Variants in ADGRB3 observed in about 807,000 individuals in gnomAD.
The protein encoded by ADGRB3 is adhesion G protein-coupled receptor B3.
Under a neutral mutation model 193.4 loss-of-function variants are expected in ADGRB3, and 37 were observed. The observed-to-expected ratio is 0.19, with a 90% CI of 0.15 to 0.25. The LOEUF (loss-of-function observed/expected upper bound fraction) is 0.25. ADGRB3 is among the 10% of genes least tolerant of loss of function. ADGRB3 has a pLI of 1.00. For missense variants in ADGRB3, 1,637 were observed against 1,852.9 expected (o/e 0.88, Z 2.14); for synonymous variants, 690 against 644.2 (o/e 1.07, Z -1.08).
chr6:69,316,186 T>C (rs866546793), intron 20 of ADGRB3, among the ~76,000 whole-genome samples: 5 of 151,322 alleles, frequency 3.3e-5, no homozygotes, highest in Admixed American at 6.6e-5. Context: ...TATAGTATTA[T>C]GTATATTTTT....
chr6:69,019,996 G>A (rs1427418127), intron 13 of ADGRB3, among the ~76,000 whole-genome samples: 3 of 151,980 alleles, frequency 2.0e-5, no homozygotes, highest in Non-Finnish European at 2.9e-5. Context: ...TTTAAGGCAC[G>A]TGGAAGGAAT....
At chr6:68,688,643 C>T (rs1355590818) in intron 3 of ADGRB3, among the ~76,000 whole-genome samples, 2 of 152,118 alleles carry the variant, frequency 1.3e-5, no homozygotes, top group African/African-American at 4.8e-5. Flanking sequence ...ACTGAAATAT[C>T]TCATTTGTGT....
intron 20 of ADGRB3, among the ~76,000 whole-genome samples, chr6:69,277,403 C>G (rs1767326533): frequency 6.6e-6 from 1 of 152,168 alleles, no homozygotes; most frequent in Non-Finnish European, 1.5e-5. Flanking sequence ...GCATGACCTG[C>G]TGCTCTGCAT....
chr6:68,953,443 C>T (rs1297816642), intron 6 of ADGRB3, among the ~76,000 whole-genome samples: 1 of 152,100 alleles, frequency 6.6e-6, no homozygotes, highest in Non-Finnish European at 1.5e-5. Flanking sequence ...TTTATAAACC[C>T]TTCTCAGAAT....
intron 20 of ADGRB3, among the ~76,000 whole-genome samples, chr6:69,304,087 A>G (rs1768010023): frequency 1.3e-5 from 2 of 151,590 alleles, no homozygotes; most frequent in Admixed American, 6.6e-5. Context: ...CCAAAATACA[A>G]GGGTTTTTTT....
At chr6:68,970,998 G>A (rs1167633329) in intron 8 of ADGRB3, among the ~76,000 whole-genome samples, 1 of 152,192 alleles carries the variant, frequency 6.6e-6, no homozygotes, top group African/African-American at 2.4e-5. Flanking sequence ...GGGAATTGAA[G>A]TGTGAGCAGC....
In ADGRB3 at chr6:68,818,219, T is replaced by A. The variant is rs142421341; in HGVS notation, c.758-112340T>A. On this transcript the variant is annotated intron_variant, in intron 3 of 31. Coordinates refer to ENST00000370598, the MANE Select transcript of ADGRB3 (RefSeq NM_001704.3). ...CGCCTTCTCCACCTGTAGACTCTCC[T>A]TTAATTATGCGGGAAAACAAGCCAT... Among the ~76,000 whole-genome samples, 736 of 152,206 alleles carry A rather than the reference T, an allele frequency of 4.8e-3. 6 individuals carry two copies. The highest frequency in any genetic ancestry group is 0.017 in the African/African-American group (714 of 41,554).
intron 8 of ADGRB3, among the ~76,000 whole-genome samples, chr6:68,965,454 T>TTG (rs1554229167): frequency 2.0e-4 from 30 of 151,790 alleles, no homozygotes; most frequent in African/African-American, 5.3e-4. Context: ...TGTTTTTTTT[T>TTG]TGTGTGTGTG....
At chr6:69,353,603 G>C (rs72915025) in intron 26 of ADGRB3, among the ~76,000 whole-genome samples, 2 of 152,272 alleles carry the variant, frequency 1.3e-5, no homozygotes, top group East Asian at 3.9e-4. Context: ...CACATATTAC[G>C]TACAACAGTG....
chr6:68,723,443 A>T (rs1765619704), intron 3 of ADGRB3, among the ~76,000 whole-genome samples: 1 of 151,770 alleles, frequency 6.6e-6, no homozygotes, highest in Non-Finnish European at 1.5e-5. Flanking sequence ...AGGTTAGCTC[A>T]CAGAGGGCAA....
At position 69,077,450 on chromosome 6, in the gene ADGRB3, A is replaced by AT. The variant is rs747458647; in HGVS notation, c.2480+1421dup. ...ACTTTGACTTAGTTTTATTATTATT[A>AT]TTTTTTTTTACTGGGTAGAATCTGC... On this transcript the variant is annotated intron_variant, in intron 17 of 31. Transcript: ENST00000370598. Among the ~76,000 whole-genome samples the AT allele has an allele frequency of 4.6e-4, 70 of 150,968 alleles. 1 individual carries two copies. The East Asian group carries it at 8.7e-3, about 19-fold the overall frequency.
chr6:69,311,308 A>C (rs745840156), intron 20 of ADGRB3, among the ~76,000 whole-genome samples: 57 of 151,788 alleles, frequency 3.8e-4, no homozygotes, highest in Non-Finnish European at 7.5e-4. Context: ...AGAAAACCCC[A>C]AACAGAAAAA....
intron 17 of ADGRB3, among the ~76,000 whole-genome samples, chr6:69,088,492 C>T (rs1772613335): frequency 6.6e-6 from 1 of 152,154 alleles, no homozygotes; most frequent in South Asian, 2.1e-4. Flanking sequence ...CCTGCCTCAG[C>T]CTCCCAAGTA....
chr6:68,884,563 A>G (rs1765848465), intron 3 of ADGRB3, among the ~76,000 whole-genome samples: 1 of 152,152 alleles, frequency 6.6e-6, no homozygotes, highest in Non-Finnish European at 1.5e-5. Flanking sequence ...GAAATCACCC[A>G]GAGTTTAGGA....
At chr6:68,957,173 CTTGCGT>C (rs1768099657) in intron 8 of ADGRB3, among the ~76,000 whole-genome samples, 1 of 152,180 alleles carries the variant, frequency 6.6e-6, no homozygotes, top group Non-Finnish European at 1.5e-5. Context: ...TCTACATTTA[CTTGCGT>C]TTGCCCCATT....
At chr6:69,206,045 G>GTATATGTATA (rs1554169624) in intron 17 of ADGRB3, among the ~76,000 whole-genome samples, 26 of 99,930 alleles carry the variant, frequency 2.6e-4, no homozygotes, top group African/African-American at 9.2e-4. Context: ...TATAATAATG[G>GTATATGTATA]TATATATATA....
intron 3 of ADGRB3, among the ~76,000 whole-genome samples, chr6:68,760,551 CAA>C (rs1766377939): frequency 6.6e-6 from 1 of 152,152 alleles, no homozygotes; most frequent in African/African-American, 2.4e-5. Flanking sequence ...GCTATGAAAA[CAA>C]GACAAGGCAA....
intron 3 of ADGRB3, among the ~76,000 whole-genome samples, chr6:68,723,396 T>C (rs2127325706): frequency 6.6e-6 from 1 of 151,868 alleles, no homozygotes; most frequent in African/African-American, 2.4e-5. Flanking sequence ...GATAACTTTT[T>C]ATGACTTCTG....
Position 69,389,088 on chromosome 6 carries a change from C to T in ADGRB3, c.*197C>T, listed in dbSNP as rs563753162. The T allele has an allele frequency of 6.0e-6, 3 of 498,934 alleles. No homozygotes were observed. Among genetic ancestry groups the T allele is most frequent in the East Asian group, 6.5e-5 (2 of 30,682 alleles). 30.9% of individuals were successfully genotyped at this position (498,934 alleles called of 1,614,324 possible). A position where few individuals can be genotyped will look rare whatever the true frequency, so the allele number is the denominator to read the frequency against. On this transcript the variant is annotated 3_prime_UTR_variant, in exon 32 of 32. Coordinates refer to ENST00000370598, the MANE Select transcript of ADGRB3 (RefSeq NM_001704.3). ...GAGATGACCAGGTGTACAGTTCTGA[C>T]CATCCTGTGTTGTAAGTACCCGTGG...
Sources: allele counts gnomAD v4.1 joint callset (sites outside exome capture counted in the v4.1 genomes callset), GRCh38; gene constraint gnomAD v4.1.1; transcripts MANE v1.5; gene names NCBI Gene and HGNC (gene_info 2026-07-23, HGNC 2026-07-21).